The following STXBP4 variants were observed in gnomAD, a reference collection of about 807,000 sequenced individuals.
The protein encoded by STXBP4 is syntaxin-binding protein 4.
A neutral mutation model predicts 76.1 loss-of-function variants in STXBP4; 55 were observed. The ratio of observed to expected loss-of-function variants is 0.72; its 90% CI spans 0.58 to 0.91. The LOEUF is 0.91. STXBP4 is among the 40% of genes least tolerant of loss of function. The pLI is 0.00. For synonymous variants in STXBP4, 201 were observed against 220.2 expected (o/e 0.91, Z 0.77); for missense variants, 618 against 636.9 (o/e 0.97, Z 0.32).
chr17:54,980,924 GA>G (rs2077541907), intron 1 of STXBP4, among the ~76,000 whole-genome samples: 2 of 117,420 alleles, frequency 1.7e-5, no homozygotes, highest in South Asian at 5.3e-4. Context: ...TAAAACATGA[GA>G]TTTTTTTGCG....
chr17:55,066,608 GACAA>G (rs1207935274), intron 12 of STXBP4, among the ~76,000 whole-genome samples: 6 of 152,204 alleles, frequency 3.9e-5, no homozygotes, highest in South Asian at 4.1e-4. Flanking sequence ...AAATAAAATT[GACAA>G]ACAAGTATAA....
chr17:55,184,038 C>G, the STXBP4 span, among the ~76,000 whole-genome samples: 2 of 151,224 alleles, frequency 1.3e-5, no homozygotes, highest in African/African-American at 4.9e-5. Flanking sequence ...CTTTTTTTTT[C>G]AAATACACAT....
At chr17:55,154,786 A>G (rs1402002913) in intron 17 of STXBP4, among the ~76,000 whole-genome samples, 1 of 152,094 alleles carries the variant, frequency 6.6e-6, no homozygotes, top group Admixed American at 6.6e-5. Flanking sequence ...AGTGACAACA[A>G]TTTTTTTATA....
chr17:55,098,226 G>A (rs1456723087), intron 16 of STXBP4, among the ~76,000 whole-genome samples: 1 of 152,104 alleles, frequency 6.6e-6, no homozygotes, highest in Non-Finnish European at 1.5e-5. Flanking sequence ...ACCCTGGAAA[G>A]CAATTGCAAA....
downstream of STXBP4, among the ~76,000 whole-genome samples, chr17:55,178,529 A>G (rs918881751): frequency 1.1e-4 from 16 of 152,264 alleles, no homozygotes; most frequent in African/African-American, 3.9e-4. Flanking sequence ...AGTGCCTGCT[A>G]TACTGCAATC....
intron 16 of STXBP4, among the ~76,000 whole-genome samples, chr17:55,116,711 G>A (rs974143252): frequency 6.6e-6 from 1 of 151,800 alleles, no homozygotes; most frequent in African/African-American, 2.4e-5. Context: ...GGAGGCAATT[G>A]TTAAGTTTTG....
rs967376844 is a variant in STXBP4, at chr17:55,163,901, A to G, written c.*3990A>G. On this transcript the variant is annotated 3_prime_UTR_variant, in exon 18 of 18. Coordinates refer to ENST00000376352, the MANE Select transcript of STXBP4 (RefSeq NM_178509.6). The stretch of plus-strand genomic sequence containing the variant: ...ATAAATGCAAAGCAGCTGTCAAAAT[A>G]TAGAGTCAAGTGATACTTTCATAAA... The G allele has an allele frequency of 1.3e-5, 2 of 152,666 alleles. No individual in the cohort carries two copies. The highest frequency in any genetic ancestry group is 1.3e-4 in the Admixed American group (2 of 15,288). 9.5% of individuals were successfully genotyped at this position (152,666 alleles called of 1,614,324 possible).
At chr17:55,134,792 C>T (rs550991770) in intron 16 of STXBP4, among the ~76,000 whole-genome samples, 1 of 152,158 alleles carries the variant, frequency 6.6e-6, no homozygotes, top group African/African-American at 2.4e-5. Flanking sequence ...GAATAAAGTC[C>T]GTTGTATATT....
At chr17:55,207,410 G>A in the STXBP4 span, among the ~76,000 whole-genome samples, 1 of 152,132 alleles carries the variant, frequency 6.6e-6, no homozygotes, top group African/African-American at 2.4e-5. Context: ...AGCTCAGCAG[G>A]TATTCGGCCA....
chr17:55,037,541 G>A (rs529255744), intron 10 of STXBP4, among the ~76,000 whole-genome samples: 5 of 152,152 alleles, frequency 3.3e-5, no homozygotes, highest in East Asian at 1.9e-4. Context: ...AAAGCAAAGC[G>A]CTAATGGCAA....
chr17:55,198,822 C>T, the STXBP4 span, among the ~76,000 whole-genome samples: 1 of 152,192 alleles, frequency 6.6e-6, no homozygotes, highest in African/African-American at 2.4e-5. Flanking sequence ...TTGTGGCATA[C>T]GACTCCATCC....
intron 3 of STXBP4, among the ~76,000 whole-genome samples, chr17:54,989,292 A>G (rs1479430069): frequency 6.6e-6 from 1 of 152,172 alleles, no homozygotes; most frequent in Non-Finnish European, 1.5e-5. Flanking sequence ...TATTTTTAGT[A>G]TAGACGGGGT....
intron 15 of STXBP4, among the ~76,000 whole-genome samples, chr17:55,080,181 G>T (rs989968122): frequency 2.0e-5 from 3 of 152,074 alleles, no homozygotes; most frequent in African/African-American, 7.2e-5. Context: ...GCCTTAAACT[G>T]CTTCATGGAA....
At chr17:55,086,858 C>A (rs1179995667) in intron 16 of STXBP4, among the ~76,000 whole-genome samples, 1 of 152,116 alleles carries the variant, frequency 6.6e-6, no homozygotes, top group African/African-American at 2.4e-5. Context: ...TCCATAGTGG[C>A]TTTACTAGTT....
intron 12 of STXBP4, among the ~76,000 whole-genome samples, chr17:55,069,362 G>A (rs1027991995): frequency 2.0e-5 from 3 of 152,118 alleles, no homozygotes; most frequent in East Asian, 1.9e-4. Context: ...GTAAATGGAC[G>A]ACAGCATTTT....
chr17:55,193,459 T>G, the STXBP4 span, among the ~76,000 whole-genome samples: 30,197 of 151,918 alleles, frequency 0.2, 3,334 homozygotes, highest in Middle Eastern at 0.38. Flanking sequence ...CATCATGGTT[T>G]GGAGAAGATC....
At chr17:55,025,820 C>T (rs1308729413) in intron 8 of STXBP4, among the ~76,000 whole-genome samples, 1 of 152,096 alleles carries the variant, frequency 6.6e-6, no homozygotes, top group African/African-American at 2.4e-5. Context: ...TAAAAGGCAT[C>T]CAGATTGCAG....
Position 54,984,638 on chromosome 17 carries a change from C to T in STXBP4, c.-156-976C>T, listed in dbSNP as rs576062570. 1.5e-3 allele frequency among the ~76,000 whole-genome samples: 222 copies of T among 152,188 alleles called. 7 individuals carry two copies. In the South Asian group the frequency reaches 0.045, roughly 31 times the overall value. ...GATTACAGGCGTGAACCACCGCACC[C>T]GGCCAGTTTCTCTGGGATTCTTTAA... On this transcript the variant is annotated intron_variant, in intron 1 of 17. Transcript: ENST00000376352.
chr17:54,985,079 C>T (rs2144361871), intron 1 of STXBP4, among the ~76,000 whole-genome samples: 1 of 152,174 alleles, frequency 6.6e-6, no homozygotes, highest in African/African-American at 2.4e-5. Context: ...AACTGAAAAT[C>T]GGGTTTTTTA....
Sources: allele counts gnomAD v4.1 joint callset (sites outside exome capture counted in the v4.1 genomes callset), GRCh38; gene constraint gnomAD v4.1.1; transcripts MANE v1.5; gene names NCBI Gene and HGNC (gene_info 2026-07-23, HGNC 2026-07-21).